The following HAMP variants were observed in gnomAD, a reference collection of about 807,000 sequenced individuals.
HAMP encodes the protein hepcidin.
In HAMP, 5 loss-of-function variants were observed where a neutral mutation model predicts 7.8. The ratio of observed to expected loss-of-function variants is 0.64; its 90% CI spans 0.33 to 1.34. The LOEUF (loss-of-function observed/expected upper bound fraction) is 1.34. HAMP is among the 40% of genes most tolerant of loss of function. The pLI is 0.05. For synonymous variants in HAMP, 52 were observed against 38.6 expected, an observed-to-expected ratio of 1.35 and a Z score of -1.28; for missense variants, 105 against 104.1, an observed-to-expected ratio of 1.01 and a Z score of -0.04.
At position 35,285,098 on chromosome 19, in the gene HAMP, G is replaced by C; in HGVS notation, c.*56G>C. On this transcript the variant is annotated 3_prime_UTR_variant, in exon 3 of 3. Coordinates refer to ENST00000222304, the MANE Select transcript of HAMP (RefSeq NM_021175.4). ...TTCCTTATTTATTCCTGCTGCCCCA[G>C]AACATAGGTCTTGGAATAAAATGGC... The C allele has an allele frequency of 9.1e-7, 1 of 1,100,558 alleles. No individual in the cohort carries two copies. Among genetic ancestry groups the C allele is most frequent in the Non-Finnish European group, 1.4e-6 (1 of 710,900 alleles). 68.2% of individuals were successfully genotyped at this position (1,100,558 alleles called of 1,614,324 possible). A position where few individuals can be genotyped will look rare whatever the true frequency, so the allele number is the denominator to read the frequency against.
At chr19:35,283,789 C>T (rs2066313988) in intron 1 of HAMP, 1 of 147,734 alleles carries the variant, frequency 6.8e-6, no homozygotes, top group African/African-American at 2.5e-5. Flanking sequence ...GAGGAAGCCC[C>T]CATAAGCTTT....
chr19:35,283,310 C>T (rs1292229848), intron 1 of HAMP: 12 of 160,244 alleles, frequency 7.5e-5, no homozygotes, highest in Admixed American at 4.6e-4. Flanking sequence ...ACATTCTATT[C>T]GTGAATCTCA....
At position 35,285,082 on chromosome 19, in the gene HAMP, T is replaced by A; in HGVS notation, c.*40T>A. 1 of 1,248,232 alleles carries A rather than the reference T, an allele frequency of 8.0e-7. No homozygotes were observed. Among genetic ancestry groups the A allele is most frequent in the South Asian group, 1.2e-5 (1 of 83,978 alleles). 77.3% of individuals were successfully genotyped at this position (1,248,232 alleles called of 1,614,324 possible). On this transcript the variant is annotated 3_prime_UTR_variant, in exon 3 of 3. Coordinates refer to ENST00000222304, the MANE Select transcript of HAMP (RefSeq NM_021175.4). ...GCCCCCGTCCCCTCCCTTCCTTATT[T>A]ATTCCTGCTGCCCCAGAACATAGGT...
rs775336391 is a variant in HAMP at position 35,282,528 on chromosome 19, A to G, written c.-50A>G. 1 of 1,453,938 alleles carries G rather than the reference A, an allele frequency of 6.9e-7. No individual in the cohort carries two copies. Among genetic ancestry groups the G allele is most frequent in the Non-Finnish European group, 9.7e-7 (1 of 1,033,912 alleles). The allele number at this position is 1,453,938 out of a possible 1,614,324, so 90.1% of individuals were successfully genotyped here. ...AAGCGACTGTCACTCGGTCCCAGACACCAGAGCAAGCTCAAGACCCAGCAG... is the reference window on the plus strand; with the variant it reads ...AAGCGACTGTCACTCGGTCCCAGACGCCAGAGCAAGCTCAAGACCCAGCAG... On this transcript the variant is annotated 5_prime_UTR_variant, in exon 1 of 3. Transcript: ENST00000222304.
chr19:35,284,903 C>A (rs777235310), intron 2 of HAMP, 35 bp from the exon 3 acceptor site: 3 of 1,605,596 alleles, frequency 1.9e-6, no homozygotes, highest in Non-Finnish European at 8.5e-7. Flanking sequence ...CATGCTAAGG[C>A]CGGTTCCCTG....
At chr19:35,284,483 T>C in intron 1 of HAMP, 1 of 516,462 alleles carries the variant, frequency 1.9e-6, no homozygotes, top group South Asian at 2.2e-5. Flanking sequence ...GTGTGGCAAA[T>C]GGATTGAGGG....
chr19:35,284,678 C>T (rs960600568), intron 1 of HAMP, 111 bp from the exon 2 acceptor site: 8 of 809,492 alleles, frequency 9.9e-6, no homozygotes, highest in Non-Finnish European at 2.2e-6. Context: ...TCCTAAGAGT[C>T]CATTTGAGCT....
rs1241892681 is a variant in HAMP at position 35,284,966 on chromosome 19, A to G, written c.179A>G (p.Asp60Gly). The G allele has an allele frequency of 2.5e-6, 4 of 1,613,646 alleles. No individual in the cohort carries two copies. Among genetic ancestry groups the G allele is most frequent in the Non-Finnish European group, 3.4e-6 (4 of 1,179,804 alleles). The change falls in exon 3 of 3, where the codon GAC (aspartate) becomes GGC (glycine). Residue 60 changes from aspartate (D) to glycine (G), a missense_variant. Transcript: ENST00000222304. ...ATGTTCCAGAGGCGAAGGAGGCGAGACACCCACTTCCCCATCTGCATTTTC... is the reference window on the plus strand; with the variant it reads ...ATGTTCCAGAGGCGAAGGAGGCGAGGCACCCACTTCCCCATCTGCATTTTC... ...MPMFQRRRRRDTHFPICIFCC... is the reference protein window; with the variant it reads ...MPMFQRRRRRGTHFPICIFCC...
chr19:35,285,052 G>C lies in HAMP; in HGVS notation c.*10G>C. ...GTGCTGCAAGACGTAGAACCTACCT[G>C]CCCTGCCCCCGTCCCCTCCCTTCCT... On this transcript the variant is annotated 3_prime_UTR_variant, in exon 3 of 3. Transcript: ENST00000222304. The C allele has an allele frequency of 1.3e-6, 2 of 1,553,676 alleles. No individual in the cohort carries two copies. Among genetic ancestry groups the C allele is most frequent in the Non-Finnish European group, 1.8e-6 (2 of 1,124,630 alleles).
chr19:35,284,435 ACT>A lies in HAMP; in HGVS notation c.91-351_91-350del, dbSNP rs941228423. ...ACTCTGGCCTGGGCAACAGAGGAAGACTCTGTCTAAAAAACAAACAAAAAAAG... is the reference window on the plus strand; with the variant it reads ...ACTCTGGCCTGGGCAACAGAGGAAGACTGTCTAAAAAACAAACAAAAAAAG... On this transcript the variant is annotated intron_variant, in intron 1 of 2. Coordinates refer to ENST00000222304, the MANE Select transcript of HAMP (RefSeq NM_021175.4). 16 of 391,828 alleles carry A rather than the reference ACT, an allele frequency of 4.1e-5. No homozygotes were observed. The East Asian group carries it at 6.8e-4, about 17-fold the overall frequency. 24.3% of individuals were successfully genotyped at this position (391,828 alleles called of 1,614,324 possible).
chr19:35,282,730 C>A, intron 1 of HAMP, 63 bp downstream of exon 1: 1 of 1,296,196 alleles, frequency 7.7e-7, no homozygotes, highest in Non-Finnish European at 1.1e-6. Flanking sequence ...AGGCCTCAGC[C>A]TAGGGCACTG....
At chr19:35,282,745 C>T (rs2066309846) in intron 1 of HAMP, 78 bp downstream of exon 1, 1 of 1,104,544 alleles carries the variant, frequency 9.1e-7, no homozygotes, top group Non-Finnish European at 1.4e-6. Context: ...GCACTGGAGA[C>T]ACCCGAGCAC....
In HAMP at chr19:35,284,877, C is replaced by A. The variant is rs374126439; in HGVS notation, c.150+29C>A. ...AGCGCAACAGTGATGCCTTTCCTAG[C>A]CCCCTGCTCCCTCCCCATGCTAAGG... On this transcript the variant is annotated intron_variant, in intron 2 of 2. Coordinates refer to ENST00000222304, the MANE Select transcript of HAMP (RefSeq NM_021175.4). 1.5e-4 allele frequency: 240 copies of A among 1,605,950 alleles called. No individual in the cohort carries two copies. The African/African-American group carries it at 2.9e-3, about 20-fold the overall frequency.
chr19:35,284,680 A>G (rs1404052960), intron 1 of HAMP, 109 bp from the exon 2 acceptor site: 2 of 831,134 alleles, frequency 2.4e-6, no homozygotes, highest in Non-Finnish European at 4.2e-6. Context: ...CTAAGAGTCC[A>G]TTTGAGCTCT....
intron 1 of HAMP, chr19:35,284,527 C>G: frequency 1.7e-6 from 1 of 578,122 alleles, no homozygotes; most frequent in East Asian, 2.9e-5. Flanking sequence ...AGGAGGCTGG[C>G]ACTGGCATCC....
At chr19:35,283,923 C>T (rs10409503) in intron 1 of HAMP, 133,022 of 151,906 alleles carry the variant, frequency 0.88, 58,447 homozygotes, top group Admixed American at 0.93. Flanking sequence ...GCTTCCCGAG[C>T]AGCTGGGATT....
chr19:35,284,941 AT>A lies in HAMP; in HGVS notation c.155del (p.Met52SerfsTer?). The A allele has an allele frequency of 6.2e-7, 1 of 1,612,560 alleles. No homozygotes were observed. Among genetic ancestry groups the A allele is most frequent in the Non-Finnish European group, 8.5e-7 (1 of 1,178,924 alleles). Reference sequence around the variant, plus strand: ...CACATTCCCTTCCTTCCCACAGCCCATGTTCCAGAGGCGAAGGAGGCGAGAC... The same window carrying A: ...CACATTCCCTTCCTTCCCACAGCCCAGTTCCAGAGGCGAAGGAGGCGAGAC... ...RAGARASWMP[M>X]FQRRRRRDTH... is the part of the protein sequence containing the mutation. On this transcript the variant is annotated frameshift_variant, in exon 3 of 3. Transcript: ENST00000222304. LOFTEE classifies it low-confidence loss of function (END_TRUNC).
In HAMP at chr19:35,284,790, C is replaced by T. The variant is rs146776859; in HGVS notation, c.92C>T (p.Thr31Met). 2.6e-3 allele frequency: 4,220 copies of T among 1,613,058 alleles called. 14 individuals are homozygous for T. Among genetic ancestry groups the T allele is most frequent in the Non-Finnish European group, 2.5e-3 (2,973 of 1,179,082 alleles). Residue 31 changes from threonine (T) to methionine (M), a missense_variant and splice_region_variant, in exon 2 of 3, where the codon ACG becomes ATG. Transcript: ENST00000222304. The stretch of plus-strand genomic sequence containing the variant: ...CTGCACCCCCTTCTGCTTTCACAGA[C>T]GGGACAACTTGCAGAGCTGCAACCC... ...LTSGSVFPQQ[T>M]GQLAELQPQD...
At chr19:35,283,384 G>A (rs2066312303) in intron 1 of HAMP, 1 of 152,780 alleles carries the variant, frequency 6.5e-6, no homozygotes, top group South Asian at 2.1e-4. Flanking sequence ...TTTTTGGTTT[G>A]TTTTTTAGAG....
Sources: allele counts gnomAD v4.1 joint callset, GRCh38; gene constraint gnomAD v4.1.1; transcripts MANE v1.5; gene names NCBI Gene and HGNC (gene_info 2026-07-23, HGNC 2026-07-21).